CXADR: variants seen among roughly 807,000 people sequenced by gnomAD.
The protein encoded by CXADR is coxsackievirus and adenovirus receptor.
In CXADR, 20 loss-of-function variants were observed where a neutral mutation model predicts 40.3. The observed-to-expected ratio is 0.50, with a 90% CI of 0.35 to 0.72. The LOEUF is 0.72. Among genes scored for constraint, CXADR ranks in the 30% least tolerant of loss-of-function variants. CXADR has a pLI of 0.01. For missense variants in CXADR, 332 were observed against 449.1 expected, an observed-to-expected ratio of 0.74 and a Z score of 2.36; for synonymous variants, 150 against 161.3, an observed-to-expected ratio of 0.93 and a Z score of 0.53.
intron 7 of CXADR, among the ~76,000 whole-genome samples, chr21:17,589,450 T>G (rs1238245144): frequency 6.6e-6 from 1 of 152,068 alleles, no homozygotes; most frequent in African/African-American, 2.4e-5. Flanking sequence ...AATATAAAAA[T>G]TTAAAGATCA....
chr21:17,534,391 G>A (rs527833355), intron 1 of CXADR, among the ~76,000 whole-genome samples: 4 of 151,924 alleles, frequency 2.6e-5, no homozygotes, highest in South Asian at 2.1e-4. Flanking sequence ...CACGGCACCC[G>A]GCCTTAGCAG....
the CXADR span, among the ~76,000 whole-genome samples, chr21:17,635,942 T>A: frequency 6.6e-6 from 1 of 152,226 alleles, no homozygotes; most frequent in African/African-American, 2.4e-5. Context: ...TTAATTGACT[T>A]AGGTCTTCTT....
Position 17,591,854 on chromosome 21 carries a change from G to A in CXADR, c.1018-1298G>A, listed in dbSNP as rs184271700. Among the ~76,000 whole-genome samples the A allele has an allele frequency of 1.8e-4, 28 of 151,980 alleles. 1 individual carries two copies. In the East Asian group the frequency reaches 4.8e-3, roughly 26 times the overall value. Reference sequence around the variant, plus strand: ...TAGAGTCATAATTACTACTAAAAAAGGGTTTGGCAAACTTTTGTACCCCAT... The same window carrying A: ...TAGAGTCATAATTACTACTAAAAAAAGGTTTGGCAAACTTTTGTACCCCAT... On this transcript the variant is annotated intron_variant, in intron 7 of 7. Coordinates refer to the CXADR transcript ENST00000400169.
chr21:17,540,414 T>C (rs2060812694), intron 1 of CXADR, among the ~76,000 whole-genome samples: 1 of 152,232 alleles, frequency 6.6e-6, no homozygotes, highest in African/African-American at 2.4e-5. Context: ...ATGATTGTAT[T>C]TGCTGTTGGG....
At chr21:17,604,189 A>G in the CXADR span, 1 of 1,227,954 alleles carries the variant, frequency 8.1e-7, no homozygotes, top group Non-Finnish European at 1.1e-6. Context: ...CACGCCTGTA[A>G]TCCAGCGCTT....
At chr21:17,524,028 T>C (rs1027916493) in intron 1 of CXADR, among the ~76,000 whole-genome samples, 2 of 148,682 alleles carry the variant, frequency 1.3e-5, no homozygotes, top group African/African-American at 5.0e-5. Flanking sequence ...CCAGGCGATT[T>C]TGTGTGTGTG....
At chr21:17,551,983 T>C in intron 3 of CXADR, 30 bp downstream of exon 3, 1 of 1,532,094 alleles carries the variant, frequency 6.5e-7, no homozygotes, top group Non-Finnish European at 9.0e-7. Context: ...GTTAACGGGT[T>C]ACTGAGTAAG....
At chr21:17,580,059 G>T (rs2061349805) in intron 7 of CXADR, among the ~76,000 whole-genome samples, 1 of 152,006 alleles carries the variant, frequency 6.6e-6, no homozygotes, top group South Asian at 2.1e-4. Context: ...CTGGCCTCAG[G>T]CAGTCTTTAG....
At chr21:17,576,893 T>G (rs1055697786) in intron 7 of CXADR, 1 of 151,964 alleles carries the variant, frequency 6.6e-6, no homozygotes, top group African/African-American at 2.4e-5. Context: ...ACTTTTGCAC[T>G]TGACTGGTCT....
intron 1 of CXADR, among the ~76,000 whole-genome samples, chr21:17,537,546 C>A (rs1180565921): frequency 6.6e-6 from 1 of 151,948 alleles, no homozygotes; most frequent in Admixed American, 6.6e-5. Flanking sequence ...TCCTCTCTGT[C>A]CCTGCTTGAA....
rs778244700 is a variant in CXADR, at chr21:17,558,992, G to A, written c.432G>A (p.Ala144=). The A allele has an allele frequency of 3.7e-6, 6 of 1,611,274 alleles. No homozygotes were observed. The highest frequency in any genetic ancestry group is 3.4e-6 in the Non-Finnish European group (4 of 1,179,030). The change falls in exon 4 of 7, where the codon GCG becomes GCA. Residue 144 remains alanine (A), a synonymous_variant. Coordinates refer to ENST00000284878, the MANE Select transcript of CXADR (RefSeq NM_001338.5). ...HLVVLVKPSG[A]RCYVDGSEEI... ...CTCTTTCAGTTAAGCCTTCAGGTGC[G>A]AGATGTTACGTTGATGGATCTGAAG...
intron 7 of CXADR, among the ~76,000 whole-genome samples, chr21:17,587,385 T>G (rs1004894489): frequency 6.6e-6 from 1 of 152,148 alleles, no homozygotes; most frequent in Non-Finnish European, 1.5e-5. Context: ...TTTCTCCACA[T>G]CCTCTCCAGC....
intron 3 of CXADR, among the ~76,000 whole-genome samples, chr21:17,556,254 C>T (rs1046102649): frequency 2.0e-5 from 3 of 152,158 alleles, no homozygotes; most frequent in Non-Finnish European, 4.4e-5. Context: ...TAATCTTCCT[C>T]GTAGTGTAAT....
At chr21:17,623,368 T>TA in the CXADR span, among the ~76,000 whole-genome samples, 70,983 of 152,008 alleles carry the variant, frequency 0.47, 17,245 homozygotes, top group African/African-American at 0.59. Context: ...CTAAATGTTT[T>TA]AACAATATTT....
At chr21:17,583,287 A>G (rs73892617) in intron 7 of CXADR, among the ~76,000 whole-genome samples, 5,680 of 152,236 alleles carry the variant, frequency 0.037, 189 homozygotes, top group African/African-American at 0.081. Flanking sequence ...TTTGGTTTAA[A>G]CTTCTTGTAA....
At chr21:17,564,480 G>A (rs928076462) in intron 6 of CXADR, among the ~76,000 whole-genome samples, 1 of 151,914 alleles carries the variant, frequency 6.6e-6, no homozygotes, top group Non-Finnish European at 1.5e-5. Context: ...ATAATGACAA[G>A]AAAAAAGCTG....
chr21:17,610,678 TA>T, the CXADR span, among the ~76,000 whole-genome samples: 1 of 152,226 alleles, frequency 6.6e-6, no homozygotes, highest in Non-Finnish European at 1.5e-5. Flanking sequence ...CTGGAGTTAT[TA>T]AGATGCTGCC....
At chr21:17,580,633 G>A (rs2061353726) in intron 7 of CXADR, among the ~76,000 whole-genome samples, 3 of 152,076 alleles carry the variant, frequency 2.0e-5, no homozygotes. Flanking sequence ...CATAAATAAA[G>A]ATTAAAGTCT....
intron 7 of CXADR, among the ~76,000 whole-genome samples, chr21:17,584,872 A>G (rs1326468129): frequency 6.6e-6 from 1 of 152,162 alleles, no homozygotes; most frequent in Non-Finnish European, 1.5e-5. Flanking sequence ...CTGACTTTAT[A>G]TTTTCATGTT....
Sources: gnomAD v4.1 joint callset for allele counts (sites outside exome capture counted in the v4.1 genomes callset) on GRCh38, gnomAD v4.1.1 for gene constraint, MANE v1.5 for transcripts, NCBI Gene and HGNC (gene_info 2026-07-23, HGNC 2026-07-21) for gene names.